The following UBASH3A variants were observed in gnomAD, a reference collection of about 807,000 sequenced individuals.
UBASH3A encodes ubiquitin-associated and SH3 domain-containing protein A.
In UBASH3A, 63 loss-of-function variants were observed where a neutral mutation model predicts 73.5. That is an observed-to-expected ratio of 0.86 (90% CI 0.70 to 1.06). The LOEUF (loss-of-function observed/expected upper bound fraction) is 1.06. Among genes scored for constraint, UBASH3A ranks in the 50% least tolerant of loss-of-function variants. The pLI, the probability that UBASH3A is intolerant of heterozygous loss-of-function variation, is 0.00. For synonymous variants in UBASH3A, 363 were observed against 351.1 expected, an observed-to-expected ratio of 1.03 and a Z score of -0.38; for missense variants, 860 against 859.0, an observed-to-expected ratio of 1.00 and a Z score of -0.02.
At chr21:42,427,538 C>A (rs1027506745) in intron 8 of UBASH3A, among the ~76,000 whole-genome samples, 1 of 152,214 alleles carries the variant, frequency 6.6e-6, no homozygotes, top group African/African-American at 2.4e-5. Flanking sequence ...CCTTGCTATC[C>A]CCAATCGACA....
intron 7 of UBASH3A, among the ~76,000 whole-genome samples, chr21:42,423,270 A>G (rs2053373407): frequency 6.6e-6 from 1 of 152,244 alleles, no homozygotes; most frequent in Non-Finnish European, 1.5e-5. Context: ...ATTTGCTGAC[A>G]TAGACATGTC....
intron 14 of UBASH3A, among the ~76,000 whole-genome samples, chr21:42,446,450 C>T (rs186159522): frequency 5.3e-5 from 8 of 152,314 alleles, no homozygotes; most frequent in Non-Finnish European, 4.4e-5. Context: ...TCAGACCCCC[C>T]TGCCAGTTGG....
intron 7 of UBASH3A, among the ~76,000 whole-genome samples, chr21:42,423,887 A>C (rs1337438299): frequency 6.6e-6 from 1 of 152,142 alleles, no homozygotes; most frequent in African/African-American, 2.4e-5. Flanking sequence ...GAGCATCAAG[A>C]CACCCTGACA....
At chr21:42,423,137 T>C (rs2053370651) in intron 7 of UBASH3A, among the ~76,000 whole-genome samples, 1 of 152,218 alleles carries the variant, frequency 6.6e-6, no homozygotes, top group South Asian at 2.1e-4. Flanking sequence ...GTCCATACCA[T>C]GGCGTGCGCT....
At position 42,442,596 on chromosome 21, in the gene UBASH3A, G is replaced by A. The variant is rs1485062343; in HGVS notation, c.1631G>A (p.Arg544Lys). 5 of 1,605,924 alleles carry A rather than the reference G, an allele frequency of 3.1e-6. No individual in the cohort carries two copies. The highest frequency in any genetic ancestry group is 2.7e-5 in the African/African-American group (2 of 74,326). ...AATTTCAACATTGACACTGATTACA[G>A]GTATGCTGTTCTAAAGTTCTCTGCC... ...EANFNIDTDYRPAFPLSALMP... is the reference protein window; with the variant it reads ...EANFNIDTDYKPAFPLSALMP... The change falls in exon 12 of 15, where the codon AGG becomes AAG. Residue 544 changes from arginine to lysine, a missense_variant and splice_region_variant. Transcript: ENST00000319294.
chr21:42,442,102 A>T (rs537161490), intron 11 of UBASH3A, among the ~76,000 whole-genome samples: 95 of 152,042 alleles, frequency 6.2e-4, no homozygotes, highest in Non-Finnish European at 1.0e-3. Flanking sequence ...ATGTTGGAGG[A>T]TGCAGCCGGT....
intron 5 of UBASH3A, among the ~76,000 whole-genome samples, chr21:42,415,695 A>G (rs2146516218): frequency 6.6e-6 from 1 of 152,354 alleles, no homozygotes; most frequent in South Asian, 2.1e-4. Context: ...GCTGAAGCAG[A>G]AATTGGGCAG....
chr21:42,412,538 C>T (rs1473197921), intron 3 of UBASH3A, among the ~76,000 whole-genome samples: 1 of 152,164 alleles, frequency 6.6e-6, no homozygotes, highest in Non-Finnish European at 1.5e-5. Flanking sequence ...CCCTGTGGAA[C>T]CCGACTCAGT....
chr21:42,413,465 C>G lies in UBASH3A; in HGVS notation c.609C>G (p.Asn203Lys). ...IFSQVPGHGP[N>K]LRLSNLTRAS... ...GCCAGGTGCCTGGACATGGCCCTAA[C>G]CTGAGGCTGAGCAATTTAACTAGAG... The change falls in exon 5 of 15, where the codon AAC (asparagine) becomes AAG (lysine). Residue 203 changes from asparagine to lysine, a missense_variant. By Grantham distance (94) the Asn-to-Lys change is moderately conservative. Transcript: ENST00000319294. The surrounding 1 kb of genome is among the most constrained non-coding windows in gnomAD (Gnocchi z 4.5). 6.2e-7 allele frequency: 1 copy of G among 1,614,208 alleles called. No homozygotes were observed. Among genetic ancestry groups the G allele is most frequent in the South Asian group, 1.1e-5 (1 of 91,086 alleles).
At chr21:42,442,022 G>A (rs2053754818) in intron 11 of UBASH3A, among the ~76,000 whole-genome samples, 2 of 152,164 alleles carry the variant, frequency 1.3e-5, no homozygotes, top group African/African-American at 2.4e-5. Flanking sequence ...GTGTTTATCA[G>A]GAAAGTGCCT....
At chr21:42,420,868 A>G (rs1029052091) in intron 7 of UBASH3A, among the ~76,000 whole-genome samples, 5 of 152,242 alleles carry the variant, frequency 3.3e-5, no homozygotes, top group African/African-American at 9.6e-5. Flanking sequence ...TTCTAGTCAC[A>G]TTTGTAAAAT....
intron 7 of UBASH3A, among the ~76,000 whole-genome samples, chr21:42,418,988 G>A (rs2053281007): frequency 6.6e-6 from 1 of 152,188 alleles, no homozygotes; most frequent in Admixed American, 6.5e-5. Flanking sequence ...TTCTATGACT[G>A]TATAATAAAT....
At chr21:42,436,124 CAG>C (rs2053624310) in intron 10 of UBASH3A, among the ~76,000 whole-genome samples, 1 of 149,438 alleles carries the variant, frequency 6.7e-6, no homozygotes, top group Non-Finnish European at 1.5e-5. Flanking sequence ...CATAGTGTTA[CAG>C]AGTTATAGAG....
intron 7 of UBASH3A, among the ~76,000 whole-genome samples, chr21:42,422,423 C>T (rs1405992281): frequency 4.6e-5 from 7 of 152,174 alleles, no homozygotes; most frequent in Admixed American, 3.9e-4. Flanking sequence ...CTCCAATACC[C>T]CCTGGATAGG....
At chr21:42,422,087 C>G (rs979351320) in intron 7 of UBASH3A, among the ~76,000 whole-genome samples, 36 of 152,150 alleles carry the variant, frequency 2.4e-4, no homozygotes, top group Admixed American at 1.5e-3. Flanking sequence ...TGGGCTCCCC[C>G]ACTAAACATA....
intron 11 of UBASH3A, among the ~76,000 whole-genome samples, chr21:42,441,327 A>G (rs2053736041): frequency 6.6e-6 from 1 of 151,504 alleles, no homozygotes; most frequent in African/African-American, 2.4e-5. Context: ...CCATGGCCAC[A>G]CCTGTCTGGG....
In UBASH3A at chr21:42,443,363, C is replaced by T; in HGVS notation, c.1683C>T (p.Tyr561=). The change falls in exon 13 of 15, where the codon TAC becomes TAT. Residue 561 remains tyrosine (Y), a synonymous_variant. Transcript: ENST00000319294. ...ALMPAESYQE[Y]MDRCTASMVQ... ...TGCCGGCCGAGAGCTACCAGGAGTA[C>T]ATGGACAGGTGCACGGCGAGCATGG... 6.2e-7 allele frequency: 1 copy of T among 1,613,484 alleles called. No individual in the cohort carries two copies. The highest frequency in any genetic ancestry group is 8.5e-7 in the Non-Finnish European group (1 of 1,179,708).
chr21:42,425,537 A>G lies in UBASH3A; in HGVS notation c.1047-1160A>G, dbSNP rs531824072. ...AACTGTCGATTGTTCCAATGAGACT[A>G]TCTATATTCTTGGTCTACTTAGGAT... On this transcript the variant is annotated intron_variant, in intron 7 of 14. Coordinates refer to ENST00000319294, the MANE Select transcript of UBASH3A (RefSeq NM_018961.4). Among the ~76,000 whole-genome samples the G allele has an allele frequency of 5.9e-5, 9 of 152,262 alleles. 1 individual carries two copies. Among genetic ancestry groups the G allele is most frequent in the South Asian group, 4.1e-4 (2 of 4,832 alleles).
In UBASH3A at chr21:42,447,069, G is replaced by A. The variant is rs764290393; in HGVS notation, c.1861G>A (p.Gly621Ser). The change falls in exon 15 of 15, where the codon GGC becomes AGC. Residue 621 changes from glycine (G) to serine (S), a missense_variant. Transcript: ENST00000319294. ...AACTCTGTTCCAGATCCCTTCCCTG[G>A]GCATGTGCTTCTGTGAAGAAAATAA... ...AQLVRKIPSL[G>S]MCFCEENKEE... is the part of the protein sequence containing the mutation. 1.2e-6 allele frequency: 2 copies of A among 1,613,812 alleles called. No homozygotes were observed. Among genetic ancestry groups the A allele is most frequent in the Non-Finnish European group, 1.7e-6 (2 of 1,179,918 alleles).
Sources: allele counts gnomAD v4.1 joint callset (sites outside exome capture counted in the v4.1 genomes callset), GRCh38; gene constraint gnomAD v4.1.1; non-coding constraint Gnocchi (gnomAD v3.1); transcripts MANE v1.5; gene names NCBI Gene and HGNC (gene_info 2026-07-23, HGNC 2026-07-21).